The following SCN3A variants were observed in gnomAD, a reference collection of about 807,000 sequenced individuals.
The protein encoded by SCN3A is sodium voltage-gated channel alpha subunit 3.
Under a neutral mutation model 187.6 loss-of-function variants are expected in SCN3A, and 60 were observed. The observed-to-expected ratio is 0.32, with a 90% CI of 0.26 to 0.40. SCN3A has a LOEUF of 0.40. Ranked by LOEUF, SCN3A falls within the 10% of genes least tolerant of loss-of-function variation. The pLI is 1.00. For missense variants in SCN3A, 1,601 were observed against 2,428.2 expected (o/e 0.66, Z 7.16); for synonymous variants, 788 against 829.2 (o/e 0.95, Z 0.85).
chr2:165,183,011 G>A (rs1023698724), intron 2 of SCN3A, among the ~76,000 whole-genome samples: 21 of 151,706 alleles, frequency 1.4e-4, no homozygotes, highest in African/African-American at 4.8e-4. Context: ...GCAGTCACTG[G>A]TTGAAGCTGA....
At chr2:165,154,711 T>C in intron 10 of SCN3A, 53 bp from the exon 11 acceptor site, 1 of 1,490,924 alleles carries the variant, frequency 6.7e-7, no homozygotes, top group South Asian at 1.1e-5. Context: ...TGTCCCCAAA[T>C]AAATATCTGA....
Position 165,090,240 on chromosome 2 carries a change from A to G in SCN3A, c.5913T>C (p.Asp1971=), listed in dbSNP as rs1685014988. The G allele has an allele frequency of 6.2e-7, 1 of 1,610,708 alleles. No individual in the cohort carries two copies. The highest frequency in any genetic ancestry group is 8.5e-7 in the Non-Finnish European group (1 of 1,177,842). The change falls in exon 28 of 28, where the codon GAT becomes GAC. Residue 1971 remains aspartate, a synonymous_variant. Transcript: ENST00000283254. The surrounding 1 kb of genome is among the most constrained non-coding windows in gnomAD (Gnocchi z 4.0). ...TTTCCTTGTCTGGTTTTGTTACACT[A>G]TCATAGGAAGGAGGAGAGGTGGTAG... ...SSSTTSPPSY[D]SVTKPDKEKF... is the part of the protein sequence containing the mutation.
intron 15 of SCN3A, among the ~76,000 whole-genome samples, chr2:165,134,570 T>C (rs754187250): frequency 2.6e-5 from 4 of 152,116 alleles, no homozygotes; most frequent in Non-Finnish European, 5.9e-5. Flanking sequence ...TTCACTCAAA[T>C]AGAAATAAAA....
intron 12 of SCN3A, among the ~76,000 whole-genome samples, chr2:165,144,055 A>G (rs1193032908): frequency 6.6e-6 from 1 of 152,206 alleles, no homozygotes; most frequent in African/African-American, 2.4e-5. Context: ...ATTTATGTGA[A>G]TAGAAGGCAG....
chr2:165,198,188 AAG>A (rs1692086074), intron 1 of SCN3A, among the ~76,000 whole-genome samples: 1 of 152,040 alleles, frequency 6.6e-6, no homozygotes, highest in Non-Finnish European at 1.5e-5. Flanking sequence ...ATAGAAAAAA[AAG>A]AAAAAAAAAG....
chr2:165,175,289 T>C (rs1574299629), intron 3 of SCN3A, among the ~76,000 whole-genome samples: 1 of 152,174 alleles, frequency 6.6e-6, no homozygotes, highest in Non-Finnish European at 1.5e-5. Context: ...ATCGTGGTTA[T>C]AAAATGCCTT....
Position 165,092,392 on chromosome 2 carries a change from C to G in SCN3A, c.4669G>C (p.Val1557Leu). 5 of 1,613,970 alleles carry G rather than the reference C, an allele frequency of 3.1e-6. No individual in the cohort carries two copies. The highest frequency in any genetic ancestry group is 4.2e-6 in the Non-Finnish European group (5 of 1,179,948). ...TDDQGKYMTL[V>L]LSRINLVFIV... Reference sequence around the variant, plus strand: ...AACACTAGGTTGATCCGGGACAAAACTAGGGTCATGTATTTGCCCTGGTCA... The same window carrying G: ...AACACTAGGTTGATCCGGGACAAAAGTAGGGTCATGTATTTGCCCTGGTCA... Residue 1557 changes from valine to leucine, a missense_variant, in exon 27 of 28, where the codon GTT (valine) becomes CTT (leucine). Around this residue, in one of 11 missense-constraint regions of SCN3A, gnomAD observed 320 missense variants for 623.2 expected, o/e 0.51. Transcript: ENST00000283254. The surrounding 1 kb of genome is among the most constrained non-coding windows in gnomAD (Gnocchi z 4.2).
At chr2:165,165,700 T>G (rs1689713525) in intron 5 of SCN3A, among the ~76,000 whole-genome samples, 1 of 152,222 alleles carries the variant, frequency 6.6e-6, no homozygotes, top group Non-Finnish European at 1.5e-5. Context: ...ATTAAATTCA[T>G]TAGATTTTTC....
rs1574086134 is a variant in SCN3A, at chr2:165,090,112, G to A, written c.*38C>T. 1.3e-6 allele frequency: 2 copies of A among 1,552,274 alleles called. No individual in the cohort carries two copies. The highest frequency in any genetic ancestry group is 2.4e-5 in the East Asian group (1 of 41,620). On this transcript the variant is annotated 3_prime_UTR_variant, in exon 28 of 28. Transcript: ENST00000283254. The surrounding 1 kb of genome is among the most constrained non-coding windows in gnomAD (Gnocchi z 4.0). ...CACATATACTTTACCTTCATAGGCTGTAAACAATTGATCACAAAGATAATT... is the reference window on the plus strand; with the variant it reads ...CACATATACTTTACCTTCATAGGCTATAAACAATTGATCACAAAGATAATT...
intron 18 of SCN3A, among the ~76,000 whole-genome samples, chr2:165,119,387 A>G (rs1686539858): frequency 6.6e-6 from 1 of 152,180 alleles, no homozygotes; most frequent in Non-Finnish European, 1.5e-5. Flanking sequence ...TTCTTATTAA[A>G]TTACATCAGC....
intron 19 of SCN3A, 24 bp from the exon 20 acceptor site, chr2:165,113,994 A>G: frequency 7.0e-7 from 1 of 1,422,668 alleles, no homozygotes; most frequent in Non-Finnish European, 9.7e-7. Flanking sequence ...ATAGTTAATT[A>G]AAAAATATAT....
rs1685165153 is a variant in SCN3A, at chr2:165,092,663, T to C, written c.4537-139A>G. 2.5e-6 allele frequency: 2 copies of C among 787,158 alleles called. No individual in the cohort carries two copies. The highest frequency in any genetic ancestry group is 3.1e-4 in the Middle Eastern group (1 of 3,242). 48.8% of individuals were successfully genotyped at this position (787,158 alleles called of 1,614,324 possible). A position where few individuals can be genotyped will look rare whatever the true frequency, so the allele number is the denominator to read the frequency against. On this transcript the variant is annotated intron_variant, in intron 26 of 27. Coordinates refer to ENST00000283254, the MANE Select transcript of SCN3A (RefSeq NM_006922.4). This position sits in a 1 kb window ranked among gnomAD's most constrained non-coding sequence, Gnocchi z 4.2. ...ATTACCCCAAACAATTTTGTGTGCT[T>C]TTTTTCTCTTCATGTTAAAAAAAAT...
intron 1 of SCN3A, among the ~76,000 whole-genome samples, chr2:165,202,171 G>T (rs1265108059): frequency 6.6e-6 from 1 of 151,992 alleles, no homozygotes; most frequent in Non-Finnish European, 1.5e-5. Context: ...ATCAAAGCAG[G>T]TTTAATTTCC....
chr2:165,093,853 G>A (rs2105633421), intron 26 of SCN3A: 1 of 155,712 alleles, frequency 6.4e-6, no homozygotes, highest in South Asian at 1.9e-4. Context: ...CCAGCTCTGT[G>A]AACATAATCT....
Position 165,090,947 on chromosome 2 carries a change from A to G in SCN3A, c.5206T>C (p.Ser1736Pro). 4 of 1,614,088 alleles carry G rather than the reference A, an allele frequency of 2.5e-6. No homozygotes were observed. Among genetic ancestry groups the G allele is most frequent in the Non-Finnish European group, 3.4e-6 (4 of 1,179,998 alleles). Residue 1736 changes from serine (S) to proline (P), a missense_variant, in exon 28 of 28, where the codon TCA (serine) becomes CCA (proline). Around this residue, in one of 11 missense-constraint regions of SCN3A, gnomAD observed 320 missense variants for 623.2 expected, o/e 0.51. Transcript: ENST00000283254. The surrounding 1 kb of genome is among the most constrained non-coding windows in gnomAD (Gnocchi z 4.0). ...GGGTTCCCACAGTCTCCCTTAACTG[A>G]GCTGCCAGGGTGAATTGTGTCAGGG... ...CDPDTIHPGS[S>P]VKGDCGNPSV...
intron 1 of SCN3A, among the ~76,000 whole-genome samples, chr2:165,192,314 T>A (rs1173023025): frequency 4.6e-5 from 7 of 152,104 alleles, no homozygotes; most frequent in African/African-American, 1.7e-4. Flanking sequence ...CCTAAAGTAT[T>A]TCCCACTCTA....
At chr2:165,105,191 AC>A (rs1401830252) in intron 21 of SCN3A, among the ~76,000 whole-genome samples, 1 of 152,166 alleles carries the variant, frequency 6.6e-6, no homozygotes, top group Non-Finnish European at 1.5e-5. Context: ...ACGCTCTCCA[AC>A]CCTTCAGAGA....
chr2:165,096,524 TAAA>T lies in SCN3A; in HGVS notation c.4240-7_4240-5del. ...CCATCCAGCCTTTAAATGTGGCCTG[TAAA>T]TAACATATATTTGAATTGTTCATAA... On this transcript the variant is annotated splice_polypyrimidine_tract_variant and splice_region_variant and intron_variant, in intron 23 of 27. Transcript: ENST00000283254. The T allele has an allele frequency of 6.2e-7, 1 of 1,606,324 alleles. No individual in the cohort carries two copies. The highest frequency in any genetic ancestry group is 8.5e-7 in the Non-Finnish European group (1 of 1,173,240).
chr2:165,191,493 CTG>C (rs1691610227), intron 1 of SCN3A, among the ~76,000 whole-genome samples: 1 of 152,144 alleles, frequency 6.6e-6, no homozygotes, highest in Admixed American at 6.6e-5. Context: ...CCTCAGTTCT[CTG>C]TAGCCTAACT....
Sources: gnomAD v4.1 joint callset for allele counts (sites outside exome capture counted in the v4.1 genomes callset) on GRCh38, gnomAD v4.1.1 for gene constraint, gnomAD v4.1.1 regional missense constraint, Gnocchi (gnomAD v3.1) non-coding constraint, MANE v1.5 for transcripts, NCBI Gene and HGNC (gene_info 2026-07-23, HGNC 2026-07-21) for gene names.